Variants in C1orf87 observed in about 807,000 individuals in gnomAD.
C1orf87 encodes chromosome 1 open reading frame 87.
In C1orf87, 58 loss-of-function variants were observed where a neutral mutation model predicts 60.5. The ratio of observed to expected loss-of-function variants is 0.96; its 90% CI spans 0.78 to 1.19. The LOEUF is 1.19. Among genes scored for constraint, C1orf87 ranks in the 50% most tolerant of loss-of-function variants. The pLI is 0.00. For missense variants in C1orf87, 673 were observed against 638.6 expected (o/e 1.05, Z -0.58); for synonymous variants, 236 against 227.4 (o/e 1.04, Z -0.34).
At chr1:59,990,871 A>G (rs1644917056) in intron 11 of C1orf87, 38 bp from the exon 12 acceptor site, 2 of 1,599,548 alleles carry the variant, frequency 1.3e-6, no homozygotes, top group South Asian at 2.2e-5. Context: ...TTTTTTAAAG[A>G]GGATGGAGGG....
At chr1:60,058,637 A>ATTC (rs1468887245) in intron 2 of C1orf87, among the ~76,000 whole-genome samples, 2 of 152,272 alleles carry the variant, frequency 1.3e-5, no homozygotes, top group East Asian at 3.9e-4. Context: ...TCCTATTATT[A>ATTC]TTATTTTAGA....
chr1:60,073,137 A>G (rs975486486), intron 1 of C1orf87, among the ~76,000 whole-genome samples: 2 of 152,202 alleles, frequency 1.3e-5, no homozygotes, highest in African/African-American at 4.8e-5. Flanking sequence ...GTTCTCAGGG[A>G]CTTGAGGGTG....
At chr1:60,062,249 T>C (rs1395092293) in intron 2 of C1orf87, among the ~76,000 whole-genome samples, 1 of 152,170 alleles carries the variant, frequency 6.6e-6, no homozygotes, top group African/African-American at 2.4e-5. Context: ...TCTTTGTAAT[T>C]AGTCCTTTTT....
intron 9 of C1orf87, among the ~76,000 whole-genome samples, chr1:60,001,659 C>T (rs1645006213): frequency 6.6e-6 from 1 of 152,008 alleles, no homozygotes; most frequent in Non-Finnish European, 1.5e-5. Flanking sequence ...CTAAGAAAGG[C>T]TTTTGTAACT....
At chr1:60,061,547 T>G (rs187686952) in intron 2 of C1orf87, among the ~76,000 whole-genome samples, 3 of 152,142 alleles carry the variant, frequency 2.0e-5, no homozygotes, top group Admixed American at 6.5e-5. Flanking sequence ...TTCATTAATT[T>G]CAATGTTGCT....
chr1:60,017,184 A>G (rs1645129604), intron 8 of C1orf87, among the ~76,000 whole-genome samples: 1 of 152,208 alleles, frequency 6.6e-6, no homozygotes, highest in African/African-American at 2.4e-5. Flanking sequence ...TAAAGCACTT[A>G]TTATTATTTT....
rs1645292265 is a variant in C1orf87, at chr1:60,038,217, A to G, written c.748-110T>C. ...ATTTTTACCATCAAACATTTAAAAA[A>G]ACACTTAAAAATATAGTATCATAAT... On this transcript the variant is annotated intron_variant, in intron 5 of 11. Transcript: ENST00000371201. The G allele has an allele frequency of 2.0e-5, 11 of 540,912 alleles. No individual in the cohort carries two copies. The South Asian group carries it at 3.0e-4, about 15-fold the overall frequency. The allele number at this position is 540,912 out of a possible 1,614,324, so 33.5% of individuals were successfully genotyped here.
Position 60,024,810 on chromosome 1 carries a change from T to C in C1orf87, c.1127+591A>G, listed in dbSNP as rs146265399. 4.2e-3 allele frequency among the ~76,000 whole-genome samples: 646 copies of C among 152,342 alleles called. 4 individuals carry two copies. The highest frequency in any genetic ancestry group is 0.014 in the African/African-American group (597 of 41,580). The stretch of plus-strand genomic sequence containing the variant: ...TCGATGTCTGAGAATCACTGCTTCA[T>C]ATATTTTGTCCTATTTTTAGTTGCT... On this transcript the variant is annotated intron_variant, in intron 8 of 11. Coordinates refer to ENST00000371201, the MANE Select transcript of C1orf87 (RefSeq NM_152377.3).
intron 7 of C1orf87, among the ~76,000 whole-genome samples, chr1:60,031,383 T>G (rs1645236850): frequency 6.6e-6 from 1 of 152,138 alleles, no homozygotes; most frequent in African/African-American, 2.4e-5. Context: ...TCAAGGAAAA[T>G]GTACCCCATT....
At chr1:60,039,330 T>C (rs1645301304) in intron 5 of C1orf87, among the ~76,000 whole-genome samples, 1 of 152,220 alleles carries the variant, frequency 6.6e-6, no homozygotes, top group Non-Finnish European at 1.5e-5. Flanking sequence ...TAGTGACACT[T>C]GGACTACTCT....
chr1:60,035,832 C>T (rs553560925), intron 6 of C1orf87, among the ~76,000 whole-genome samples: 2 of 152,280 alleles, frequency 1.3e-5, no homozygotes, highest in Middle Eastern at 3.4e-3. Context: ...GCCAGGACAG[C>T]CACAATTCCT....
At position 60,010,390 on chromosome 1, in the gene C1orf87, A is replaced by G; in HGVS notation, c.1192+2T>C. On this transcript the variant is annotated splice_donor_variant, in intron 9 of 11. Coordinates refer to ENST00000371201, the MANE Select transcript of C1orf87 (RefSeq NM_152377.3). LOFTEE classifies it high-confidence loss of function. ...CTGGAGCAAAAAAATAATGGAACTC[A>G]CCTGTAGGCAAATCAGATAACAAAT... 3.7e-6 allele frequency: 6 copies of G among 1,611,784 alleles called. No individual in the cohort carries two copies. In the Admixed American group the frequency reaches 8.4e-5, roughly 22 times the overall value.
chr1:60,066,135 C>T (rs1190032366), intron 2 of C1orf87, among the ~76,000 whole-genome samples: 1 of 152,158 alleles, frequency 6.6e-6, no homozygotes. Context: ...ATGATACCTG[C>T]TGACTAATGA....
At chr1:60,030,256 T>A (rs1645228511) in intron 7 of C1orf87, among the ~76,000 whole-genome samples, 9 of 152,192 alleles carry the variant, frequency 5.9e-5, no homozygotes, top group Admixed American at 5.9e-4. Context: ...ATCAGAAAGG[T>A]GGCTGTTGCA....
intron 7 of C1orf87, 62 bp downstream of exon 7, chr1:60,033,414 T>C (rs1574311728): frequency 5.3e-6 from 8 of 1,500,564 alleles, no homozygotes; most frequent in Non-Finnish European, 5.5e-6. Flanking sequence ...CTTATTGCTA[T>C]AGACCCAATG....
intron 8 of C1orf87, among the ~76,000 whole-genome samples, chr1:60,017,612 G>T (rs977866419): frequency 1.3e-5 from 2 of 152,010 alleles, no homozygotes; most frequent in African/African-American, 4.8e-5. Context: ...TTCTCTCTCT[G>T]CCCTCCTTAA....
At chr1:59,996,830 C>T (rs866251488) in intron 11 of C1orf87, among the ~76,000 whole-genome samples, 2 of 152,132 alleles carry the variant, frequency 1.3e-5, no homozygotes, top group East Asian at 1.9e-4. Flanking sequence ...CACACTGGCT[C>T]ATGTATTTCT....
At chr1:60,026,480 G>A (rs11803407) in intron 7 of C1orf87, among the ~76,000 whole-genome samples, 1,931 of 151,482 alleles carry the variant, frequency 0.013, 30 homozygotes, top group African/African-American at 0.044. Flanking sequence ...CAGAGAGAGA[G>A]GAAAGAAGAG....
chr1:60,043,448 C>A (rs765699660), intron 3 of C1orf87, among the ~76,000 whole-genome samples: 3 of 152,092 alleles, frequency 2.0e-5, no homozygotes, highest in African/African-American at 7.2e-5. Flanking sequence ...GTGGCGCGAT[C>A]TCGGCTCACT....
Sources: allele counts gnomAD v4.1 joint callset (sites outside exome capture counted in the v4.1 genomes callset), GRCh38; gene constraint gnomAD v4.1.1; transcripts MANE v1.5; gene names NCBI Gene and HGNC (gene_info 2026-07-23, HGNC 2026-07-21).